Variants in FOXP1 observed in about 807,000 individuals in gnomAD.
The protein encoded by FOXP1 is forkhead box protein P1.
In FOXP1, 15 loss-of-function variants were observed where a neutral mutation model predicts 98.2. The observed-to-expected ratio is 0.15, with a 90% CI of 0.10 to 0.24. The LOEUF (loss-of-function observed/expected upper bound fraction) is 0.24, where lower values mean the gene tolerates loss of function less well. FOXP1 is among the 10% of genes least tolerant of loss of function. The pLI is 1.00. For missense variants in FOXP1, 633 were observed against 848.5 expected, an observed-to-expected ratio of 0.75 and a Z score of 3.15; for synonymous variants, 371 against 314.5, an observed-to-expected ratio of 1.18 and a Z score of -1.90.
intron 3 of FOXP1, among the ~76,000 whole-genome samples, chr3:71,384,168 T>A (rs76535569): frequency 6.6e-6 from 1 of 152,140 alleles, no homozygotes; most frequent in African/African-American, 2.4e-5. Flanking sequence ...TGCAGTGAGC[T>A]GAGATCGCCC....
intron 3 of FOXP1, among the ~76,000 whole-genome samples, chr3:71,374,803 C>T (rs555939763): frequency 2.0e-5 from 3 of 152,228 alleles, no homozygotes; most frequent in African/African-American, 7.2e-5. Context: ...ACATGATGTG[C>T]TAGTAAAATA....
At chr3:71,078,277 T>A (rs957012898) in intron 7 of FOXP1, among the ~76,000 whole-genome samples, 1 of 152,234 alleles carries the variant, frequency 6.6e-6, no homozygotes, top group Non-Finnish European at 1.5e-5. Flanking sequence ...ATAGGTAAGA[T>A]GAATATTCAG....
intron 17 of FOXP1, among the ~76,000 whole-genome samples, chr3:70,973,311 G>T (rs2036740162): frequency 1.4e-5 from 2 of 141,708 alleles, no homozygotes; most frequent in Non-Finnish European, 3.0e-5. Context: ...GAATATGAGA[G>T]TTGGCCCTAA....
intron 20 of FOXP1, among the ~76,000 whole-genome samples, chr3:70,964,113 G>A (rs1352861034): frequency 2.0e-5 from 3 of 152,184 alleles, no homozygotes; most frequent in Non-Finnish European, 4.4e-5. Context: ...GATAGCAGGC[G>A]CAGGGAATCT....
At chr3:71,454,184 A>C (rs1443273596) in intron 3 of FOXP1, among the ~76,000 whole-genome samples, 1 of 152,178 alleles carries the variant, frequency 6.6e-6, no homozygotes, top group African/African-American at 2.4e-5. Flanking sequence ...CAGCAATAGA[A>C]GAGGTAAGAG....
intron 5 of FOXP1, among the ~76,000 whole-genome samples, chr3:71,279,365 T>A (rs2071270088): frequency 6.6e-6 from 1 of 152,010 alleles, no homozygotes; most frequent in Admixed American, 6.6e-5. Flanking sequence ...CTAGGGCAAT[T>A]TTTTCCTCCA....
At chr3:71,098,588 C>A (rs996884113) in intron 7 of FOXP1, among the ~76,000 whole-genome samples, 1 of 152,120 alleles carries the variant, frequency 6.6e-6, no homozygotes, top group African/African-American at 2.4e-5. Flanking sequence ...AACTGTGAAC[C>A]AGTATCAATT....
chr3:71,380,017 A>T (rs2080021017), intron 3 of FOXP1, among the ~76,000 whole-genome samples: 1 of 152,234 alleles, frequency 6.6e-6, no homozygotes. Flanking sequence ...AATACAGTAT[A>T]GGTGGTATTT....
At chr3:71,518,658 G>GT (rs770186671) in intron 2 of FOXP1, among the ~76,000 whole-genome samples, 25 of 152,176 alleles carry the variant, frequency 1.6e-4, no homozygotes, top group Non-Finnish European at 3.5e-4. Context: ...GCCATAAAAT[G>GT]TAAGAACAAA....
chr3:71,069,144 C>CT (rs1559865448), intron 7 of FOXP1, among the ~76,000 whole-genome samples: 1 of 152,246 alleles, frequency 6.6e-6, no homozygotes. Flanking sequence ...AGGGAAAACA[C>CT]TGAGTTCTCA....
At chr3:71,046,697 A>G (rs1015304077) in intron 10 of FOXP1, among the ~76,000 whole-genome samples, 2 of 152,218 alleles carry the variant, frequency 1.3e-5, no homozygotes, top group Admixed American at 1.3e-4. Context: ...TCTTACTCCA[A>G]GAGTGTCCAA....
chr3:71,497,141 T>C (rs1349875728), intron 2 of FOXP1, among the ~76,000 whole-genome samples: 1 of 152,038 alleles, frequency 6.6e-6, no homozygotes, highest in Non-Finnish European at 1.5e-5. Flanking sequence ...AAATTATCCT[T>C]TCCACAGTAC....
chr3:71,203,942 A>G (rs2063830612), intron 5 of FOXP1, among the ~76,000 whole-genome samples: 1 of 49,972 alleles, frequency 2.0e-5, no homozygotes, highest in Non-Finnish European at 5.3e-5. Context: ...AGGAAGGAGG[A>G]AGGAAGGAAG....
At chr3:71,095,056 C>A (rs554939091) in intron 7 of FOXP1, among the ~76,000 whole-genome samples, 1 of 152,342 alleles carries the variant, frequency 6.6e-6, no homozygotes, top group South Asian at 2.1e-4. Flanking sequence ...AATGGTGAGG[C>A]CTCTGGAATA....
chr3:71,571,195 G>A (rs185150838), intron 2 of FOXP1: 2 of 152,170 alleles, frequency 1.3e-5, no homozygotes, highest in South Asian at 2.1e-4. Flanking sequence ...TTTCCCTTAA[G>A]GTTTTAGTAA....
chr3:71,358,566 G>C (rs1304907398), intron 4 of FOXP1, among the ~76,000 whole-genome samples: 1 of 152,196 alleles, frequency 6.6e-6, no homozygotes, highest in Non-Finnish European at 1.5e-5. Flanking sequence ...CATCTTTCAA[G>C]GTAGTAAGGG....
At chr3:70,980,240 C>G (rs1013950640) in intron 14 of FOXP1, among the ~76,000 whole-genome samples, 1 of 152,030 alleles carries the variant, frequency 6.6e-6, no homozygotes, top group African/African-American at 2.4e-5. Context: ...AATCACTGAC[C>G]AAGTCCAGGA....
At chr3:70,999,890 C>G (rs2041894567) in intron 13 of FOXP1, among the ~76,000 whole-genome samples, 2 of 152,114 alleles carry the variant, frequency 1.3e-5, no homozygotes, top group African/African-American at 2.4e-5. Context: ...TGGCTGGTAA[C>G]AATATAATGT....
chr3:71,004,260 GA>G (rs1170934760), intron 12 of FOXP1, among the ~76,000 whole-genome samples: 5 of 148,630 alleles, frequency 3.4e-5, no homozygotes, highest in Non-Finnish European at 4.5e-5. Flanking sequence ...ATAGCTCTGG[GA>G]AAAAAAAATA....
Sources: allele counts gnomAD v4.1 joint callset (sites outside exome capture counted in the v4.1 genomes callset), GRCh38; gene constraint gnomAD v4.1.1; transcripts MANE v1.5; gene names NCBI Gene and HGNC (gene_info 2026-07-23, HGNC 2026-07-21).